Variants in CFAP300 observed in about 807,000 individuals in gnomAD.
CFAP300 encodes cilia and flagella associated protein 300.
A neutral mutation model predicts 33.0 loss-of-function variants in CFAP300; 32 were observed. That is an observed-to-expected ratio of 0.97 (90% CI 0.73 to 1.30). The LOEUF (loss-of-function observed/expected upper bound fraction) is 1.30. Ranked by LOEUF, CFAP300 falls within the 50% of genes most tolerant of loss-of-function variation. The pLI is 0.00. For synonymous variants in CFAP300, 102 were observed against 106.8 expected (o/e 0.95, Z 0.28); for missense variants, 356 against 318.1 (o/e 1.12, Z -0.90).
intron 2 of CFAP300, chr11:102,058,000 G>A (rs1942085033): frequency 6.6e-6 from 1 of 152,342 alleles, no homozygotes; most frequent in African/African-American, 2.4e-5. Flanking sequence ...ATAGGAGAAA[G>A]GGGTGATGGT....
intron 4 of CFAP300, among the ~76,000 whole-genome samples, chr11:102,073,089 C>A (rs1002507774): frequency 1.3e-5 from 2 of 152,156 alleles, no homozygotes; most frequent in African/African-American, 2.4e-5. Flanking sequence ...CAGGTCCAAG[C>A]AGGCTGATTC....
rs539293631 is a variant in CFAP300 at position 102,081,023 on chromosome 11, T to C, written c.609-192T>C. On this transcript the variant is annotated intron_variant, in intron 5 of 6. Coordinates refer to ENST00000434758, the MANE Select transcript of CFAP300 (RefSeq NM_032930.3). ...AACTGTAAGATTCAATTTTCTGCTA[T>C]TTCAATTCAGTTGACCTTGCCCATT... Among the ~76,000 whole-genome samples the C allele has an allele frequency of 1.2e-4, 19 of 152,330 alleles. No individual in the cohort carries two copies. The South Asian group carries it at 2.7e-3, about 22-fold the overall frequency.
chr11:102,073,822 G>T (rs951247234), intron 4 of CFAP300, among the ~76,000 whole-genome samples: 2 of 152,104 alleles, frequency 1.3e-5, no homozygotes, highest in South Asian at 4.1e-4. Flanking sequence ...AGGGAATGGG[G>T]GGTACAAGGT....
chr11:102,069,961 T>G (rs79799623), intron 4 of CFAP300, among the ~76,000 whole-genome samples: 7,736 of 152,256 alleles, frequency 0.051, 199 homozygotes, highest in Middle Eastern at 0.092. Context: ...AGTGGGACCC[T>G]GTCTCCTCCA....
intron 4 of CFAP300, 112 bp downstream of exon 4, chr11:102,066,763 A>C: frequency 1.2e-6 from 1 of 822,118 alleles, no homozygotes; most frequent in Non-Finnish European, 1.9e-6. Context: ...AATACCACCT[A>C]TTTATAAGTA....
At chr11:102,060,832 T>A (rs1449827849) in intron 3 of CFAP300, among the ~76,000 whole-genome samples, 1 of 152,190 alleles carries the variant, frequency 6.6e-6, no homozygotes, top group African/African-American at 2.4e-5. Context: ...TAGGTCAGAT[T>A]TTATTGCTTT....
At chr11:102,050,387 A>T (rs565426556) in intron 2 of CFAP300, among the ~76,000 whole-genome samples, 1 of 152,334 alleles carries the variant, frequency 6.6e-6, no homozygotes, top group African/African-American at 2.4e-5. Flanking sequence ...TTCTACAACA[A>T]AAACTCACTA....
At chr11:102,059,638 G>A (rs1456443851) in intron 3 of CFAP300, among the ~76,000 whole-genome samples, 1 of 151,850 alleles carries the variant, frequency 6.6e-6, no homozygotes, top group Non-Finnish European at 1.5e-5. Flanking sequence ...GAGAGAGCAA[G>A]AATGCCTCAA....
Position 102,066,542 on chromosome 11 carries a change from C to T in CFAP300, c.326C>T (p.Ser109Leu), listed in dbSNP as rs1328169036. 1 of 1,611,384 alleles carries T rather than the reference C, an allele frequency of 6.2e-7. No homozygotes were observed. Among genetic ancestry groups the T allele is most frequent in the African/African-American group, 1.3e-5 (1 of 74,814 alleles). Residue 109 changes from serine (S) to leucine (L), a missense_variant, in exon 4 of 7, where the codon TCA (serine) becomes TTA (leucine). Ser to Leu is a moderately radical substitution (Grantham distance 145). Coordinates refer to ENST00000434758, the MANE Select transcript of CFAP300 (RefSeq NM_032930.3). ...GTTCCTTGCACACAGCTTTCAATGT[C>T]ATTTTTTCATCGGTTATATGATGAA... ...INVPCTQLSM[S>L]FFHRLYDEDI... is the part of the protein sequence containing the mutation.
At position 102,055,763 on chromosome 11, in the gene CFAP300, C is replaced by G. The variant is rs899802589; in HGVS notation, c.193-3117C>G. On this transcript the variant is annotated intron_variant, in intron 2 of 6. Coordinates refer to ENST00000434758, the MANE Select transcript of CFAP300 (RefSeq NM_032930.3). ...TCTTGGCTCACTGCAAGCTCTGCCT[C>G]CCGGGTTCACTCCATTCTCCTGCCT... Among the ~76,000 whole-genome samples, 3 of 150,028 alleles carry G rather than the reference C, an allele frequency of 2.0e-5. No homozygotes were observed. The Admixed American group carries it at 2.0e-4, about 10-fold the overall frequency.
intron 4 of CFAP300, among the ~76,000 whole-genome samples, chr11:102,070,310 AG>A (rs1942293992): frequency 6.6e-6 from 1 of 152,212 alleles, no homozygotes; most frequent in African/African-American, 2.4e-5. Flanking sequence ...AACACCATAG[AG>A]TTGAGTTTTT....
At chr11:102,072,733 A>G (rs1942332791) in intron 4 of CFAP300, among the ~76,000 whole-genome samples, 1 of 151,940 alleles carries the variant, frequency 6.6e-6, no homozygotes, top group South Asian at 2.1e-4. Context: ...GTGTCCTTAT[A>G]TTAATATCTG....
Position 102,083,305 on chromosome 11 carries a change from G to T in CFAP300, c.*106G>T. ...CTTTGCAAATTAATTCAAGAAAAAT[G>T]TAAGGAGCCTACTTAGAGCAGAAGA... On this transcript the variant is annotated 3_prime_UTR_variant, in exon 7 of 7. Coordinates refer to ENST00000434758, the MANE Select transcript of CFAP300 (RefSeq NM_032930.3). 2 of 922,948 alleles carry T rather than the reference G, an allele frequency of 2.2e-6. No individual in the cohort carries two copies. Among genetic ancestry groups the T allele is most frequent in the South Asian group, 8.9e-5 (2 of 22,398 alleles). 57.2% of individuals were successfully genotyped at this position (922,948 alleles called of 1,614,324 possible).
chr11:102,047,950 C>G (rs192145258), intron 2 of CFAP300, 54 bp downstream of exon 2: 1 of 1,560,574 alleles, frequency 6.4e-7, no homozygotes, highest in African/African-American at 1.4e-5. Flanking sequence ...TTAAACTTCC[C>G]CCCAAGTTGG....
At chr11:102,073,366 G>C (rs768268431) in intron 4 of CFAP300, among the ~76,000 whole-genome samples, 3 of 152,192 alleles carry the variant, frequency 2.0e-5, no homozygotes, top group Non-Finnish European at 4.4e-5. Context: ...CCTGTGCTCA[G>C]ATCCCCAAGA....
intron 4 of CFAP300, among the ~76,000 whole-genome samples, chr11:102,075,248 T>A (rs1381786863): frequency 6.6e-6 from 1 of 152,008 alleles, no homozygotes; most frequent in Non-Finnish European, 1.5e-5. Flanking sequence ...CATAAGAAAA[T>A]CCCCTACATC....
chr11:102,068,318 G>C (rs570842059), intron 4 of CFAP300, among the ~76,000 whole-genome samples: 89 of 152,184 alleles, frequency 5.8e-4, no homozygotes, highest in African/African-American at 2.0e-3. Flanking sequence ...GTCTGTAGGA[G>C]AAAGGGAGGT....
intron 3 of CFAP300, among the ~76,000 whole-genome samples, chr11:102,062,128 G>T (rs781400869): frequency 1.3e-5 from 2 of 152,178 alleles, no homozygotes; most frequent in Non-Finnish European, 2.9e-5. Context: ...AAGCACTAGA[G>T]CCATCTAAGT....
rs1421017671 is a variant in CFAP300 at position 102,047,469 on chromosome 11, C to T, written c.-2C>T. Reference sequence around the variant, plus strand: ...CCAGGCATCCACCCAGCCGAGAGCACGATGGCTACTGGGGAGCTCGGGGAC... The same window carrying T: ...CCAGGCATCCACCCAGCCGAGAGCATGATGGCTACTGGGGAGCTCGGGGAC... On this transcript the variant is annotated 5_prime_UTR_variant, in exon 1 of 7. The change creates a new upstream start codon in the 5' untranslated region. Coordinates refer to ENST00000434758, the MANE Select transcript of CFAP300 (RefSeq NM_032930.3). 1.3e-6 allele frequency: 2 copies of T among 1,535,508 alleles called. No individual in the cohort carries two copies. Among genetic ancestry groups the T allele is most frequent in the Admixed American group, 2.0e-5 (1 of 50,984 alleles).
Sources: allele counts gnomAD v4.1 joint callset (sites outside exome capture counted in the v4.1 genomes callset), GRCh38; gene constraint gnomAD v4.1.1; transcripts MANE v1.5; gene names NCBI Gene and HGNC (gene_info 2026-07-23, HGNC 2026-07-21).